Variants in RASSF9 observed in about 807,000 individuals in gnomAD.
The protein encoded by RASSF9 is Ras association domain family member 9, also known as ras association domain-containing protein 9.
RASSF9 carries 18 observed loss-of-function variants against 21.4 expected under a neutral mutation model. That is an observed-to-expected ratio of 0.84 (90% CI 0.58 to 1.25). RASSF9 has a LOEUF of 1.25. Ranked by LOEUF, RASSF9 falls within the 50% of genes most tolerant of loss-of-function variation. RASSF9 has a pLI of 0.00. For synonymous variants in RASSF9, 183 were observed against 179.1 expected (o/e 1.02, Z -0.18); for missense variants, 480 against 503.2 (o/e 0.95, Z 0.44).
chr12:85,804,032 G>T lies in RASSF9; in HGVS notation c.*670C>A, dbSNP rs1235207297. The stretch of plus-strand genomic sequence containing the variant: ...ATCCACACATAGCTCTTAATAAATT[G>T]AGGCTTCTTTATAAAAATTGCTGTT... On this transcript the variant is annotated 3_prime_UTR_variant, in exon 2 of 2. Transcript: ENST00000361228. The T allele has an allele frequency of 6.6e-6, 1 of 152,170 alleles. No homozygotes were observed. The highest frequency in any genetic ancestry group is 1.5e-5 in the Non-Finnish European group (1 of 68,030). 9.4% of individuals were successfully genotyped at this position (152,170 alleles called of 1,614,324 possible).
intron 1 of RASSF9, among the ~76,000 whole-genome samples, chr12:85,810,349 G>C (rs1389184706): frequency 2.0e-5 from 3 of 151,962 alleles, no homozygotes; most frequent in African/African-American, 7.2e-5. Flanking sequence ...GTGGGAAACA[G>C]TGCCAGGGTT....
rs143607356 is a variant in RASSF9, at chr12:85,805,558, G to A, written c.452C>T (p.Thr151Ile). 1 of 1,613,886 alleles carries A rather than the reference G, an allele frequency of 6.2e-7. No individual in the cohort carries two copies. Among genetic ancestry groups the A allele is most frequent in the African/African-American group, 1.3e-5 (1 of 75,026 alleles). ...TCTTTTTTGTTTATCTGGTGGTAAA[G>A]TCTTCATGTAGTTTGCTGGGCTGAG... ...WELSPANYMK[T>I]LPPDKQKRIV... is the part of the protein sequence containing the mutation. The change falls in exon 2 of 2, where the codon ACT (threonine) becomes ATT (isoleucine). Residue 151 changes from threonine to isoleucine, a missense_variant. Physicochemically the swap from Thr to Ile is moderately conservative, Grantham distance 89 (BLOSUM62 -1). Transcript: ENST00000361228.
intron 1 of RASSF9, among the ~76,000 whole-genome samples, chr12:85,825,615 G>T (rs1365280441): frequency 1.3e-5 from 2 of 152,024 alleles, no homozygotes; most frequent in Admixed American, 1.3e-4. Context: ...TATTTATTAT[G>T]TTTTTTACAC....
rs1213173159 is a variant in RASSF9 at position 85,803,495 on chromosome 12, G to C, written c.*1207C>G. ...AAAAAAAGAAGACGGGAGAAGGAGA[G>C]ATGAAGGCAGGAAAAGAGAGGAAGT... is the stretch of plus-strand genomic sequence containing the variant. On this transcript the variant is annotated 3_prime_UTR_variant, in exon 2 of 2. Transcript: ENST00000361228. 2 of 151,974 alleles carry C rather than the reference G, an allele frequency of 1.3e-5. No individual in the cohort carries two copies. The highest frequency in any genetic ancestry group is 4.8e-5 in the African/African-American group (2 of 41,348). The allele number at this position is 151,974 out of a possible 1,614,324, so 9.4% of individuals were successfully genotyped here.
intron 1 of RASSF9, among the ~76,000 whole-genome samples, chr12:85,826,053 G>A (rs1481839863): frequency 6.6e-6 from 1 of 152,198 alleles, no homozygotes; most frequent in Non-Finnish European, 1.5e-5. Context: ...GGAGGGATGA[G>A]AGTGGGTTGG....
At chr12:85,810,040 A>C (rs182026499) in intron 1 of RASSF9, among the ~76,000 whole-genome samples, 1 of 152,086 alleles carries the variant, frequency 6.6e-6, no homozygotes, top group Admixed American at 6.6e-5. Context: ...ATTCAAACAG[A>C]ACAATTTTTA....
At chr12:85,831,096 C>G (rs1880440045) in intron 1 of RASSF9, among the ~76,000 whole-genome samples, 1 of 151,994 alleles carries the variant, frequency 6.6e-6, no homozygotes, top group Non-Finnish European at 1.5e-5. Context: ...GATTCCTTGT[C>G]AAGGACTGGT....
chr12:85,823,198 TC>T (rs1880254982), intron 1 of RASSF9, among the ~76,000 whole-genome samples: 1 of 98,422 alleles, frequency 1.0e-5, no homozygotes, highest in Non-Finnish European at 2.0e-5. Context: ...AAACTCCGTC[TC>T]AAAAAAAAAA....
rs573383768 is a variant in RASSF9 at position 85,804,739 on chromosome 12, T to A, written c.1271A>T (p.Glu424Val). The change falls in exon 2 of 2, where the codon GAA becomes GTA. Residue 424 changes from glutamate to valine, a missense_variant. Physicochemically the swap from Glu to Val is moderately radical, Grantham distance 121. Coordinates refer to ENST00000361228, the MANE Select transcript of RASSF9 (RefSeq NM_005447.4). ...CAGCACCACATCTCCTACTGTTGTT[T>A]CGGAGTCCTGACTGTGGTTAGAACT... ...GISSNHSQDS[E>V]TTVGDVVLLS... The A allele has an allele frequency of 1.2e-6, 2 of 1,610,324 alleles. No individual in the cohort carries two copies. Among genetic ancestry groups the A allele is most frequent in the Admixed American group, 3.3e-5 (2 of 59,952 alleles).
chr12:85,808,926 T>A (rs946046426), intron 1 of RASSF9, among the ~76,000 whole-genome samples: 1 of 152,122 alleles, frequency 6.6e-6, no homozygotes, highest in African/African-American at 2.4e-5. Context: ...GTATTTAAGA[T>A]TAAATTCTAA....
chr12:85,823,812 C>A (rs1247277451), intron 1 of RASSF9, among the ~76,000 whole-genome samples: 2 of 152,206 alleles, frequency 1.3e-5, no homozygotes, highest in Non-Finnish European at 2.9e-5. Context: ...ATCAGCTGCT[C>A]ATGAGAGAGC....
At chr12:85,832,239 A>G (rs568931285) in intron 1 of RASSF9, among the ~76,000 whole-genome samples, 50 of 152,034 alleles carry the variant, frequency 3.3e-4, no homozygotes, top group African/African-American at 9.6e-4. Context: ...TATGCAAACT[A>G]TTCTAATTTC....
chr12:85,824,033 G>C (rs559824086), intron 1 of RASSF9, among the ~76,000 whole-genome samples: 1 of 152,308 alleles, frequency 6.6e-6, no homozygotes, highest in South Asian at 2.1e-4. Flanking sequence ...GTTGCAGTCT[G>C]TAAACCAATT....
Position 85,804,602 on chromosome 12 carries a change from A to G in RASSF9, c.*100T>C. Reference sequence around the variant, plus strand: ...TTTATTAACTATTGAATACTACAATATGATTTACATTTTTTTGAGTGTTAT... The same window carrying G: ...TTTATTAACTATTGAATACTACAATGTGATTTACATTTTTTTGAGTGTTAT... On this transcript the variant is annotated 3_prime_UTR_variant, in exon 2 of 2. Transcript: ENST00000361228. The G allele has an allele frequency of 8.2e-7, 1 of 1,222,350 alleles. No individual in the cohort carries two copies. Among genetic ancestry groups the G allele is most frequent in the Non-Finnish European group, 1.1e-6 (1 of 897,282 alleles). 75.7% of individuals were successfully genotyped at this position (1,222,350 alleles called of 1,614,324 possible).
chr12:85,836,254 G>C lies in RASSF9; in HGVS notation c.-53C>G. 6.7e-7 allele frequency: 1 copy of C among 1,498,092 alleles called. No homozygotes were observed. Among genetic ancestry groups the C allele is most frequent in the Non-Finnish European group, 9.1e-7 (1 of 1,101,282 alleles). The allele number at this position is 1,498,092 out of a possible 1,614,324, so 92.8% of individuals were successfully genotyped here. ...TTATCTTAAAGTGATCTGAGGGTGGGGGTGGGGGTGTCTGGATTTCCAGGG... is the reference window on the plus strand; with the variant it reads ...TTATCTTAAAGTGATCTGAGGGTGGCGGTGGGGGTGTCTGGATTTCCAGGG... On this transcript the variant is annotated 5_prime_UTR_variant, in exon 1 of 2. Transcript: ENST00000361228.
chr12:85,802,910 A>C lies in RASSF9; in HGVS notation c.*1792T>G, dbSNP rs1174158810. On this transcript the variant is annotated 3_prime_UTR_variant, in exon 2 of 2. Transcript: ENST00000361228. The stretch of plus-strand genomic sequence containing the variant: ...TTTAAAAAAATGTAACCGATGCCAG[A>C]ATTATTACTCTTTATCACTGTATTT... 2.0e-5 allele frequency: 3 copies of C among 152,174 alleles called. No homozygotes were observed. Among genetic ancestry groups the C allele is most frequent in the Admixed American group, 6.5e-5 (1 of 15,284 alleles). 9.4% of individuals were successfully genotyped at this position (152,174 alleles called of 1,614,324 possible). A position where few individuals can be genotyped will look rare whatever the true frequency, so the allele number is the denominator to read the frequency against.
intron 1 of RASSF9, among the ~76,000 whole-genome samples, chr12:85,835,324 A>G (rs1326166730): frequency 4.6e-5 from 7 of 152,268 alleles, no homozygotes; most frequent in Non-Finnish European, 8.8e-5. Context: ...TTTATTCTCA[A>G]GTTTTTGGCA....
chr12:85,825,000 A>T (rs777823652), intron 1 of RASSF9, among the ~76,000 whole-genome samples: 2 of 151,654 alleles, frequency 1.3e-5, no homozygotes, highest in African/African-American at 4.8e-5. Context: ...ATGTGTGCTC[A>T]TTTATTTATT....
chr12:85,828,839 T>C (rs879481622), intron 1 of RASSF9, among the ~76,000 whole-genome samples: 2 of 152,104 alleles, frequency 1.3e-5, no homozygotes, highest in Non-Finnish European at 2.9e-5. Flanking sequence ...CTTTTAAGTG[T>C]TTTTACTAAT....
Sources: allele counts gnomAD v4.1 joint callset (sites outside exome capture counted in the v4.1 genomes callset), GRCh38; gene constraint gnomAD v4.1.1; transcripts MANE v1.5; gene names NCBI Gene and HGNC (gene_info 2026-07-23, HGNC 2026-07-21).